SLC35F2: variants seen among roughly 807,000 people sequenced by gnomAD.
SLC35F2 encodes solute carrier family 35 member F2.
SLC35F2 carries 25 observed loss-of-function variants against 38.1 expected under a neutral mutation model. The observed-to-expected ratio is 0.66, with a 90% confidence interval of 0.48 to 0.92. The LOEUF (loss-of-function observed/expected upper bound fraction) is 0.92. Ranked by LOEUF, SLC35F2 falls within the 40% of genes least tolerant of loss-of-function variation. The pLI is 0.00. For synonymous variants in SLC35F2, 173 were observed against 181.7 expected, an observed-to-expected ratio of 0.95 and a Z score of 0.38; for missense variants, 409 against 452.9, an observed-to-expected ratio of 0.90 and a Z score of 0.88.
rs538644082 is a variant in SLC35F2 at position 107,857,545 on chromosome 11, G to A, written c.110+1113C>T. Reference sequence around the variant, plus strand: ...AACTGGATGCTACAAGGTGGTTTTCGGCCAACTTTCCCCTTTAAACACATG... The same window carrying A: ...AACTGGATGCTACAAGGTGGTTTTCAGCCAACTTTCCCCTTTAAACACATG... On this transcript the variant is annotated intron_variant, in intron 1 of 7. Transcript: ENST00000525815. Among the ~76,000 whole-genome samples the A allele has an allele frequency of 1.8e-4, 28 of 152,144 alleles. No homozygotes were observed. The East Asian group carries it at 3.5e-3, about 19-fold the overall frequency.
chr11:107,799,836 G>A (rs932295999), intron 7 of SLC35F2, among the ~76,000 whole-genome samples: 26 of 151,436 alleles, frequency 1.7e-4, no homozygotes, highest in Admixed American at 6.6e-5. Flanking sequence ...CCAAAGTGCA[G>A]GCGTGAGCCC....
chr11:107,802,574 A>G (rs558952), intron 7 of SLC35F2, among the ~76,000 whole-genome samples: 97,968 of 152,124 alleles, frequency 0.64, 32,191 homozygotes, highest in African/African-American at 0.79. Context: ...TGCATGATAA[A>G]CTGGCCATCT....
intron 1 of SLC35F2, among the ~76,000 whole-genome samples, chr11:107,843,862 AAAAAAAATATATATATATATAT>A (rs1860055505): frequency 2.7e-5 from 1 of 37,204 alleles, no homozygotes; most frequent in Admixed American, 3.7e-4. Context: ...AAAAAAAAAA[AAAAAAAATATATATATATATAT>A]ATATATATAT....
intron 1 of SLC35F2, among the ~76,000 whole-genome samples, chr11:107,854,096 T>C (rs575078023): frequency 4.0e-4 from 61 of 152,016 alleles, no homozygotes; most frequent in African/African-American, 1.4e-3. Context: ...ATGAATAAAT[T>C]AGGATCTATG....
At chr11:107,844,504 A>T (rs1860069895) in intron 1 of SLC35F2, among the ~76,000 whole-genome samples, 1 of 138,454 alleles carries the variant, frequency 7.2e-6, no homozygotes, top group East Asian at 2.1e-4. Context: ...ATGCACCTGT[A>T]ATCCCAGCTA....
At chr11:107,846,820 C>T (rs918483753) in intron 1 of SLC35F2, among the ~76,000 whole-genome samples, 2 of 151,930 alleles carry the variant, frequency 1.3e-5, no homozygotes, top group East Asian at 1.9e-4. Flanking sequence ...ATCCCAGCTA[C>T]TCAGGAGGCT....
intron 7 of SLC35F2, among the ~76,000 whole-genome samples, chr11:107,798,639 G>T (rs1428790263): frequency 6.6e-6 from 1 of 152,202 alleles, no homozygotes; most frequent in East Asian, 1.9e-4. Context: ...TTCAGGAGAG[G>T]CAGAGTGCTT....
chr11:107,844,057 T>A (rs940757345), intron 1 of SLC35F2, among the ~76,000 whole-genome samples: 1 of 151,874 alleles, frequency 6.6e-6, no homozygotes, highest in Non-Finnish European at 1.5e-5. Context: ...ATATACTCTT[T>A]GCCATCCCTA....
At chr11:107,814,311 C>G (rs148960526) in intron 2 of SLC35F2, among the ~76,000 whole-genome samples, 1 of 151,778 alleles carries the variant, frequency 6.6e-6, no homozygotes, top group African/African-American at 2.4e-5. Context: ...AAAAATTAGC[C>G]AGGTGTGGTG....
rs777430440 is a variant in SLC35F2 at position 107,792,666 on chromosome 11, C to T, written c.1074G>A (p.Leu358=). 1.2e-6 allele frequency: 2 copies of T among 1,613,778 alleles called. No individual in the cohort carries two copies. The highest frequency in any genetic ancestry group is 8.5e-7 in the Non-Finnish European group (1 of 1,179,880). The change falls in exon 8 of 8, where the codon CTG becomes CTA. Residue 358 remains leucine (L), a synonymous_variant. Coordinates refer to ENST00000525815, the MANE Select transcript of SLC35F2 (RefSeq NM_017515.5). The part of the protein sequence containing the change: ...PPVTSIGIDN[L]GLKLEENLQE... ...GGAGGTTCTCCTCCAGCTTCAGCCC[C>T]AGGTTGTCAATCCCAATGCTGGTGA...
intron 1 of SLC35F2, among the ~76,000 whole-genome samples, chr11:107,855,232 G>A (rs1860257544): frequency 6.6e-6 from 1 of 152,120 alleles, no homozygotes; most frequent in African/African-American, 2.4e-5. Context: ...GTTCAGGGAG[G>A]GAGGCAGAAT....
chr11:107,845,760 C>T (rs906995611), intron 1 of SLC35F2, among the ~76,000 whole-genome samples: 4 of 151,930 alleles, frequency 2.6e-5, no homozygotes, highest in African/African-American at 9.7e-5. Context: ...CAAGACCAGC[C>T]TGGCCAACAT....
At chr11:107,833,502 G>C (rs1044810370) in intron 1 of SLC35F2, among the ~76,000 whole-genome samples, 5 of 128,732 alleles carry the variant, frequency 3.9e-5, no homozygotes, top group African/African-American at 1.3e-4. Context: ...CTGGGCATCA[G>C]AGTGAGACTC....
chr11:107,822,838 A>C (rs939039915), intron 1 of SLC35F2, among the ~76,000 whole-genome samples: 1 of 152,092 alleles, frequency 6.6e-6, no homozygotes, highest in Non-Finnish European at 1.5e-5. Flanking sequence ...TTCACAGAGG[A>C]GTCAAAACAA....
At chr11:107,820,762 C>A (rs1326427064) in intron 1 of SLC35F2, among the ~76,000 whole-genome samples, 1 of 152,120 alleles carries the variant, frequency 6.6e-6, no homozygotes, top group Non-Finnish European at 1.5e-5. Context: ...TCAAGACCAA[C>A]CTGGCTGACA....
chr11:107,792,381 A>T lies in SLC35F2; in HGVS notation c.*234T>A. Reference sequence around the variant, plus strand: ...GGAGTCTGCACCTCATCTCCTCAACACGAACAGATATTGGTCCTCAAACAC... The same window carrying T: ...GGAGTCTGCACCTCATCTCCTCAACTCGAACAGATATTGGTCCTCAAACAC... On this transcript the variant is annotated 3_prime_UTR_variant, in exon 8 of 8. Coordinates refer to ENST00000525815, the MANE Select transcript of SLC35F2 (RefSeq NM_017515.5). The T allele has an allele frequency of 2.3e-6, 1 of 439,632 alleles. No individual in the cohort carries two copies. Among genetic ancestry groups the T allele is most frequent in the East Asian group, 4.7e-5 (1 of 21,458 alleles). 27.2% of individuals were successfully genotyped at this position (439,632 alleles called of 1,614,324 possible).
At chr11:107,820,025 G>T (rs1189360761) in intron 1 of SLC35F2, among the ~76,000 whole-genome samples, 1 of 152,080 alleles carries the variant, frequency 6.6e-6, no homozygotes, top group African/African-American at 2.4e-5. Context: ...AGAGGCCAAG[G>T]CGGATGGATT....
At chr11:107,813,142 C>T (rs1386643094) in intron 2 of SLC35F2, among the ~76,000 whole-genome samples, 1 of 152,048 alleles carries the variant, frequency 6.6e-6, no homozygotes, top group Non-Finnish European at 1.5e-5. Context: ...TTAGCAGGAA[C>T]ATCTTGAAAA....
chr11:107,841,578 A>G (rs945898692), intron 1 of SLC35F2, among the ~76,000 whole-genome samples: 1 of 130,078 alleles, frequency 7.7e-6, no homozygotes, highest in Non-Finnish European at 1.7e-5. Context: ...AAAAAAAAAA[A>G]GTACACTAAA....
Sources: allele counts gnomAD v4.1 joint callset (sites outside exome capture counted in the v4.1 genomes callset), GRCh38; gene constraint gnomAD v4.1.1; transcripts MANE v1.5; gene names NCBI Gene and HGNC (gene_info 2026-07-23, HGNC 2026-07-21).